SLC6A7: variants seen among roughly 807,000 people sequenced by gnomAD.
SLC6A7 encodes solute carrier family 6 member 7, also known as sodium-dependent proline transporter.
In SLC6A7, 58 loss-of-function variants were observed where a neutral mutation model predicts 73.1. The ratio of observed to expected loss-of-function variants is 0.79; its 90% CI spans 0.64 to 0.99. The LOEUF is 0.99. Among genes scored for constraint, SLC6A7 ranks in the 50% least tolerant of loss-of-function variants. SLC6A7 has a pLI of 0.00. For missense variants in SLC6A7, 783 were observed against 831.4 expected (o/e 0.94, Z 0.72); for synonymous variants, 338 against 338.7 (o/e 1.00, Z 0.02).
intron 10 of SLC6A7, 125 bp downstream of exon 10, chr5:150,204,163 C>A: frequency 1.1e-6 from 1 of 907,970 alleles, no homozygotes. Context: ...GGAACCCAGT[C>A]CCTCCCCGGC....
intron 4 of SLC6A7, among the ~76,000 whole-genome samples, chr5:150,198,814 GTGT>G: frequency 1.6e-5 from 1 of 63,254 alleles, no homozygotes; most frequent in South Asian, 5.0e-4. Flanking sequence ...CCTGGATGGT[GTGT>G]GTGTGTGTGT....
At chr5:150,201,937 T>G (rs954282188) in intron 6 of SLC6A7, among the ~76,000 whole-genome samples, 6 of 152,190 alleles carry the variant, frequency 3.9e-5, no homozygotes, top group African/African-American at 1.4e-4. Context: ...GTGACCTGGC[T>G]TGTTCAGGCT....
Position 150,209,516 on chromosome 5 carries a change from G to A in SLC6A7, c.1812G>A (p.Leu604=). The A allele has an allele frequency of 6.2e-7, 1 of 1,614,210 alleles. No individual in the cohort carries two copies. The highest frequency in any genetic ancestry group is 8.5e-7 in the Non-Finnish European group (1 of 1,180,012). The change falls in exon 14 of 14, where the codon CTG becomes CTA. Residue 604 remains leucine, a synonymous_variant. Coordinates refer to ENST00000230671, the MANE Select transcript of SLC6A7 (RefSeq NM_014228.5). The part of the protein sequence containing the change: ...TLAGSQSPKP[L]MVHMRKYGGI... Reference sequence around the variant, plus strand: ...CTGGGAGCCAGTCACCAAAGCCACTGATGGTGCACATGCGCAAGTACGGGG... The same window carrying A: ...CTGGGAGCCAGTCACCAAAGCCACTAATGGTGCACATGCGCAAGTACGGGG...
chr5:150,190,485 C>A (rs1752726875), intron 1 of SLC6A7, 125 bp downstream of exon 1: 1 of 602,444 alleles, frequency 1.7e-6, no homozygotes. Context: ...CTGGGGAAGG[C>A]CCGACTCAGC....
In SLC6A7 at chr5:150,191,981, G is replaced by T. The variant is rs965710218; in HGVS notation, c.33+1621G>T. On this transcript the variant is annotated intron_variant, in intron 1 of 13. Coordinates refer to ENST00000230671, the MANE Select transcript of SLC6A7 (RefSeq NM_014228.5). ...TAAATAAGGCAACTGAGGCACAGAG[G>T]GGTGAGACTCACTGCTTACCTGCTG... Among the ~76,000 whole-genome samples, 236 of 151,972 alleles carry T rather than the reference G, an allele frequency of 1.6e-3. 4 individuals are homozygous for T. The highest frequency in any genetic ancestry group is 2.1e-4 in the Non-Finnish European group (14 of 67,978).
chr5:150,205,184 G>A (rs935778865), intron 12 of SLC6A7, among the ~76,000 whole-genome samples: 1 of 149,462 alleles, frequency 6.7e-6, no homozygotes, highest in African/African-American at 2.4e-5. Flanking sequence ...TTTAGGCTGT[G>A]ATTTCTGTCT....
intron 4 of SLC6A7, 135 bp from the exon 5 acceptor site, chr5:150,199,093 G>A: frequency 8.1e-7 from 1 of 1,229,514 alleles, no homozygotes; most frequent in Non-Finnish European, 1.1e-6. Flanking sequence ...GTTGGTCGGA[G>A]AAGGATGGAG....
intron 1 of SLC6A7, among the ~76,000 whole-genome samples, chr5:150,194,243 CACGGTGAAACCCTGTCTCT>C (rs1208490728): frequency 2.0e-5 from 3 of 152,080 alleles, no homozygotes; most frequent in African/African-American, 7.2e-5. Flanking sequence ...TCCTGGCTAA[CACGGTGAAACCCTGTCTCT>C]ACTAAAAATA....
intron 1 of SLC6A7, among the ~76,000 whole-genome samples, chr5:150,190,843 T>A (rs1752750702): frequency 6.6e-6 from 1 of 152,032 alleles, no homozygotes; most frequent in South Asian, 2.1e-4. Context: ...TCCTGCCTGC[T>A]CCCTCCCCGC....
In SLC6A7 at chr5:150,199,284, G is replaced by A. The variant is rs371268394; in HGVS notation, c.641G>A (p.Arg214His). 10 of 1,613,898 alleles carry A rather than the reference G, an allele frequency of 6.2e-6. No homozygotes were observed. The highest frequency in any genetic ancestry group is 3.3e-5 in the Admixed American group (2 of 60,002). Residue 214 changes from arginine (R) to histidine (H), a missense_variant, in exon 5 of 14, where the codon CGC becomes CAC. Physicochemically the swap from Arg to His is conservative, Grantham distance 29. Coordinates refer to ENST00000230671, the MANE Select transcript of SLC6A7 (RefSeq NM_014228.5). ...SQGIGSPGEI[R>H]WNLCLCLLLA... ...GGCATCGGCAGCCCTGGGGAGATCC[G>A]CTGGAACCTCTGCCTCTGCCTGCTG... is the stretch of plus-strand genomic sequence containing the variant.
At position 150,201,096 on chromosome 5, in the gene SLC6A7, A is replaced by G. The variant is rs1753355086; in HGVS notation, c.731A>G (p.Tyr244Cys). The change falls in exon 6 of 14, where the codon TAT (tyrosine) becomes TGT (cysteine). Residue 244 changes from tyrosine (Y) to cysteine (C), a missense_variant. Physicochemically the swap from Tyr to Cys is radical, Grantham distance 194 (BLOSUM62 -2). Transcript: ENST00000230671. The part of the protein sequence containing the change: ...KGVKSSGKVV[Y>C]FTATFPYLIL... Reference sequence around the variant, plus strand: ...TCACTTATCATCTCTCAGGTGGTGTATTTCACGGCCACGTTCCCCTACCTC... The same window carrying G: ...TCACTTATCATCTCTCAGGTGGTGTGTTTCACGGCCACGTTCCCCTACCTC... The G allele has an allele frequency of 6.2e-7, 1 of 1,613,362 alleles. No individual in the cohort carries two copies. The highest frequency in any genetic ancestry group is 8.5e-7 in the Non-Finnish European group (1 of 1,179,676).
chr5:150,205,726 C>T (rs1467981805), intron 13 of SLC6A7, 103 bp downstream of exon 13: 3 of 1,048,134 alleles, frequency 2.9e-6, no homozygotes. Context: ...CCTTATCCAG[C>T]TTCTTTTAGC....
chr5:150,195,085 C>G (rs1562078890), intron 2 of SLC6A7, 174 bp downstream of exon 2: 3 of 574,374 alleles, frequency 5.2e-6, no homozygotes, highest in Non-Finnish European at 3.1e-6. Context: ...CCTGTCTTGT[C>G]CTTCTCATCA....
At chr5:150,207,108 C>A (rs577766652) in intron 13 of SLC6A7, among the ~76,000 whole-genome samples, 1 of 152,352 alleles carries the variant, frequency 6.6e-6, no homozygotes, top group Non-Finnish European at 1.5e-5. Flanking sequence ...AGTTACTGCA[C>A]TTCCCTGAAC....
intron 4 of SLC6A7, among the ~76,000 whole-genome samples, chr5:150,198,317 A>G (rs1753186090): frequency 6.6e-6 from 1 of 152,162 alleles, no homozygotes; most frequent in Admixed American, 6.5e-5. Context: ...CCTTACCTAT[A>G]AAGGACTGCT....
rs745889984 is a variant in SLC6A7 at position 150,209,601 on chromosome 5, G to C, written c.1897G>C (p.Glu633Gln). ...EVDREIAEEE[E>Q]SMM is the part of the protein sequence containing the mutation. ...GGACCGTGAGATTGCAGAGGAGGAGGAGTCGATGATGTGAGGCAGGAGGCA... is the reference window on the plus strand; with the variant it reads ...GGACCGTGAGATTGCAGAGGAGGAGCAGTCGATGATGTGAGGCAGGAGGCA... Residue 633 changes from glutamate (E) to glutamine (Q), a missense_variant, in exon 14 of 14, where the codon GAG (glutamate) becomes CAG (glutamine). Physicochemically the swap from Glu to Gln is conservative, Grantham distance 29 (BLOSUM62 2). Coordinates refer to ENST00000230671, the MANE Select transcript of SLC6A7 (RefSeq NM_014228.5). 1 of 1,605,888 alleles carries C rather than the reference G, an allele frequency of 6.2e-7. No individual in the cohort carries two copies. The highest frequency in any genetic ancestry group is 8.5e-7 in the Non-Finnish European group (1 of 1,175,912).
intron 3 of SLC6A7, 37 bp downstream of exon 3, chr5:150,196,884 A>C (rs1236967860): frequency 6.2e-7 from 1 of 1,603,222 alleles, no homozygotes; most frequent in African/African-American, 1.3e-5. Flanking sequence ...GGAAGGGCTC[A>C]GGGTCTGGGG....
intron 1 of SLC6A7, among the ~76,000 whole-genome samples, chr5:150,190,741 C>G (rs1752744943): frequency 6.6e-6 from 1 of 152,130 alleles, no homozygotes; most frequent in African/African-American, 2.4e-5. Context: ...AATACCTGAG[C>G]GTTGAGCTGG....
chr5:150,190,526 T>A (rs1479850259), intron 1 of SLC6A7, among the ~76,000 whole-genome samples, 166 bp downstream of exon 1: 1 of 152,118 alleles, frequency 6.6e-6, no homozygotes, highest in Non-Finnish European at 1.5e-5. Flanking sequence ...GGTCACGGTC[T>A]GCGCCCCCAC....
Sources: gnomAD v4.1 joint callset for allele counts (sites outside exome capture counted in the v4.1 genomes callset) on GRCh38, gnomAD v4.1.1 for gene constraint, MANE v1.5 for transcripts, NCBI Gene and HGNC (gene_info 2026-07-23, HGNC 2026-07-21) for gene names.